The following TULP3 variants were observed in gnomAD, a reference collection of about 807,000 sequenced individuals.
TULP3 encodes the protein TUB like protein 3, also known as tubby-related protein 3.
TULP3 carries 38 observed loss-of-function variants against 50.7 expected under a neutral mutation model. That is an observed-to-expected ratio of 0.75 (90% CI 0.58 to 0.98). The LOEUF (loss-of-function observed/expected upper bound fraction) is 0.98, where lower values mean the gene tolerates loss of function less well. Among genes scored for constraint, TULP3 ranks in the 50% least tolerant of loss-of-function variants. The pLI is 0.00. For synonymous variants in TULP3, 183 were observed against 196.6 expected, an observed-to-expected ratio of 0.93 and a Z score of 0.58; for missense variants, 550 against 568.0, an observed-to-expected ratio of 0.97 and a Z score of 0.32.
intron 2 of TULP3, among the ~76,000 whole-genome samples, chr12:2,914,188 A>C (rs1443408207): frequency 2.1e-5 from 3 of 144,442 alleles, no homozygotes; most frequent in African/African-American, 7.9e-5. Context: ...ACAATGGCGC[A>C]ATCTTGGCTC....
In TULP3 at chr12:2,903,562, CA is replaced by C. The variant is rs78763103; in HGVS notation, c.42-5953del. On this transcript the variant is annotated intron_variant, in intron 1 of 10. Transcript: ENST00000448120. ...GGGCAACAAGCGCGAGACTCTATCT[CA>C]AAAAAAAAAAAAAGAAAAAAGAAAA... Among the ~76,000 whole-genome samples, 213 of 126,286 alleles carry C rather than the reference CA, an allele frequency of 1.7e-3. 1 individual carries two copies. The highest frequency in any genetic ancestry group is 0.012 in the Middle Eastern group (3 of 242). The allele number at this position is 126,286 out of a possible 152,430, so 82.8% of individuals were successfully genotyped here.
intron 1 of TULP3, among the ~76,000 whole-genome samples, chr12:2,891,964 T>C (rs928995360): frequency 6.6e-6 from 1 of 151,994 alleles, no homozygotes; most frequent in Non-Finnish European, 1.5e-5. Flanking sequence ...TGCGCGCCTG[T>C]AGTTCCAGCG....
intron 2 of TULP3, 122 bp downstream of exon 2, chr12:2,909,702 T>C: frequency 9.8e-7 from 1 of 1,024,362 alleles, no homozygotes; most frequent in Non-Finnish European, 1.5e-6. Context: ...AAGGCTCGGG[T>C]GGTTACCTGT....
intron 1 of TULP3, among the ~76,000 whole-genome samples, chr12:2,899,826 G>T (rs1178423341): frequency 2.0e-5 from 3 of 147,818 alleles, no homozygotes; most frequent in Non-Finnish European, 3.0e-5. Context: ...CCAGGAGGCG[G>T]AGCTTGCAGT....
In TULP3 at chr12:2,894,538, AACACACACACACACACAC is replaced by A. The variant is rs56834874; in HGVS notation, c.41+3561_41+3578del. 2.0e-5 allele frequency among the ~76,000 whole-genome samples: 3 copies of A among 147,828 alleles called. No homozygotes were observed. The South Asian group carries it at 6.5e-4, about 32-fold the overall frequency. ...TGACAGAGCAAGACTCCGTCTCAAA[AACACACACACACACACAC>A]ACACACACACGCACGCACACAAAAA... On this transcript the variant is annotated intron_variant, in intron 1 of 10. Coordinates refer to ENST00000448120, the MANE Select transcript of TULP3 (RefSeq NM_003324.5).
At chr12:2,919,417 A>G (rs2098190476) in intron 2 of TULP3, among the ~76,000 whole-genome samples, 1 of 152,134 alleles carries the variant, frequency 6.6e-6, no homozygotes, top group Non-Finnish European at 1.5e-5. Context: ...TATGCAAGCT[A>G]TTGAATTAAT....
chr12:2,930,542 A>G lies in TULP3; in HGVS notation c.492+197A>G, dbSNP rs1405170068. Among the ~76,000 whole-genome samples the G allele has an allele frequency of 8.6e-5, 13 of 151,900 alleles. No homozygotes were observed. The South Asian group carries it at 2.3e-3, about 27-fold the overall frequency. Reference sequence around the variant, plus strand: ...GGGTTCACGCCATTCTCCTGCCTCAATCTCCCGAGTAGCTGGGACTACAGG... The same window carrying G: ...GGGTTCACGCCATTCTCCTGCCTCAGTCTCCCGAGTAGCTGGGACTACAGG... On this transcript the variant is annotated intron_variant, in intron 5 of 10. Transcript: ENST00000448120.
chr12:2,891,791 G>C (rs1382526553), intron 1 of TULP3, among the ~76,000 whole-genome samples: 1 of 152,026 alleles, frequency 6.6e-6, no homozygotes, highest in African/African-American at 2.4e-5. Context: ...CTTGGAACAC[G>C]TCTATTATCC....
intron 1 of TULP3, among the ~76,000 whole-genome samples, chr12:2,903,956 G>T (rs552049193): frequency 6.6e-6 from 1 of 151,782 alleles, no homozygotes; most frequent in Non-Finnish European, 1.5e-5. Flanking sequence ...GCTAATTTTT[G>T]TATCTTTAGC....
intron 2 of TULP3, 145 bp downstream of exon 2, chr12:2,909,725 G>T: frequency 1.2e-6 from 1 of 858,848 alleles, no homozygotes. Context: ...AGCAGTGTCT[G>T]GAGTTAGTGG....
chr12:2,894,233 G>C (rs973413369), intron 1 of TULP3, among the ~76,000 whole-genome samples: 4 of 149,360 alleles, frequency 2.7e-5, no homozygotes, highest in Admixed American at 6.8e-5. Context: ...TAAACAGTAG[G>C]CTGGGCATGG....
rs548418204 is a variant in TULP3 at position 2,938,548 on chromosome 12, C to G, written c.1195+263C>G. Among the ~76,000 whole-genome samples the G allele has an allele frequency of 1.1e-4, 17 of 152,244 alleles. No homozygotes were observed. In the East Asian group the frequency reaches 2.9e-3, roughly 26 times the overall value. On this transcript the variant is annotated intron_variant, in intron 10 of 10. Coordinates refer to ENST00000448120, the MANE Select transcript of TULP3 (RefSeq NM_003324.5). Reference sequence around the variant, plus strand: ...CCATGGCTCACGTCTGTAATCCCAGCACTTTGGGAGGCCGAGGTGGGCAGA... The same window carrying G: ...CCATGGCTCACGTCTGTAATCCCAGGACTTTGGGAGGCCGAGGTGGGCAGA...
chr12:2,926,280 G>A (rs1483721469), intron 4 of TULP3, among the ~76,000 whole-genome samples: 2 of 151,856 alleles, frequency 1.3e-5, no homozygotes, highest in South Asian at 2.1e-4. Flanking sequence ...TGGGCGGATC[G>A]CTTGAGCCCA....
At position 2,931,122 on chromosome 12, in the gene TULP3, A is replaced by G. The variant is rs773053077; in HGVS notation, c.578A>G (p.Tyr193Cys). ...ATAGACGACCTGGAGGACTTTGTGT[A>G]TAGTCCTGCCCCTCAAGGTGTCACA... ...GDIDDLEDFVYSPAPQGVTVR... is the reference protein window; with the variant it reads ...GDIDDLEDFVCSPAPQGVTVR... The change falls in exon 6 of 11, where the codon TAT becomes TGT. Residue 193 changes from tyrosine (Y) to cysteine (C), a missense_variant. Transcript: ENST00000448120. The G allele has an allele frequency of 3.1e-6, 5 of 1,614,084 alleles. No homozygotes were observed. Among genetic ancestry groups the G allele is most frequent in the South Asian group, 1.1e-5 (1 of 91,090 alleles).
intron 1 of TULP3, among the ~76,000 whole-genome samples, chr12:2,899,733 A>T (rs1024518214): frequency 6.6e-6 from 1 of 151,982 alleles, no homozygotes; most frequent in African/African-American, 2.4e-5. Context: ...CTCTACTAAA[A>T]ATACAAAAAA....
At chr12:2,917,259 G>A (rs531921293) in intron 2 of TULP3, among the ~76,000 whole-genome samples, 59 of 152,284 alleles carry the variant, frequency 3.9e-4, no homozygotes, top group Middle Eastern at 6.8e-3. Flanking sequence ...AGGGAATGAG[G>A]TCAGGAGTTT....
chr12:2,933,988 C>G (rs913644934), intron 7 of TULP3, among the ~76,000 whole-genome samples: 4 of 152,064 alleles, frequency 2.6e-5, no homozygotes, highest in Non-Finnish European at 5.9e-5. Flanking sequence ...GTGGCTCAGG[C>G]CTATAATCCC....
chr12:2,913,201 T>TTGTGTGTGTGTG (rs138018559), intron 2 of TULP3, among the ~76,000 whole-genome samples: 182 of 146,572 alleles, frequency 1.2e-3, no homozygotes, highest in South Asian at 2.6e-3. Context: ...TATGTTGAGT[T>TTGTGTGTGTGTG]TGTGTGTGTG....
At position 2,940,703 on chromosome 12, in the gene TULP3, GCAC is replaced by G. The variant is rs1322494224; in HGVS notation, c.*1263_*1265del. On this transcript the variant is annotated 3_prime_UTR_variant, in exon 11 of 11. Transcript: ENST00000448120. Reference sequence around the variant, plus strand: ...CCTCTCACCTCCGCCTGTTGTTCCTGCACCACATCAGATAAGCATGTGAAGGAG... The same window carrying G: ...CCTCTCACCTCCGCCTGTTGTTCCTGCACATCAGATAAGCATGTGAAGGAG... 1.1e-5 allele frequency: 17 copies of G among 1,551,124 alleles called. No individual in the cohort carries two copies. The Admixed American group carries it at 3.1e-4, about 29-fold the overall frequency.
Sources: gnomAD v4.1 joint callset for allele counts (sites outside exome capture counted in the v4.1 genomes callset) on GRCh38, gnomAD v4.1.1 for gene constraint, MANE v1.5 for transcripts, NCBI Gene and HGNC (gene_info 2026-07-23, HGNC 2026-07-21) for gene names.